The following VWA8 variants were observed in gnomAD, a reference collection of about 807,000 sequenced individuals.
VWA8 encodes von Willebrand factor A domain containing 8.
A neutral mutation model predicts 241.5 loss-of-function variants in VWA8; 221 were observed. The observed-to-expected ratio is 0.91, with a 90% confidence interval of 0.82 to 1.02. The LOEUF is 1.02. Among genes scored for constraint, VWA8 ranks in the 50% least tolerant of loss-of-function variants. The pLI, the probability that VWA8 is intolerant of heterozygous loss-of-function variation, is 0.00. For missense variants in VWA8, 2,322 were observed against 2,328.7 expected (o/e 1.00, Z 0.06); for synonymous variants, 852 against 827.1 (o/e 1.03, Z -0.52).
chr13:41,831,004 T>G (rs1179606809), intron 13 of VWA8, among the ~76,000 whole-genome samples: 1 of 152,188 alleles, frequency 6.6e-6, no homozygotes. Flanking sequence ...CTCTTCGGTC[T>G]AAAGTAACTC....
At chr13:41,886,577 C>T (rs1192625593) in intron 7 of VWA8, among the ~76,000 whole-genome samples, 2 of 152,180 alleles carry the variant, frequency 1.3e-5, no homozygotes, top group East Asian at 3.8e-4. Flanking sequence ...TTAACCAAAG[C>T]TATTCACATA....
intron 17 of VWA8, among the ~76,000 whole-genome samples, chr13:41,796,483 TTTA>T (rs1347290022): frequency 6.6e-6 from 1 of 151,990 alleles, no homozygotes; most frequent in Non-Finnish European, 1.5e-5. Flanking sequence ...AAATATTGAC[TTTA>T]TTTTCAGTTA....
intron 28 of VWA8, among the ~76,000 whole-genome samples, chr13:41,701,132 G>C (rs927341452): frequency 6.6e-6 from 1 of 152,082 alleles, no homozygotes; most frequent in Admixed American, 6.6e-5. Context: ...ACATGCCTGG[G>C]TGTGTTTAAC....
At chr13:41,803,586 A>T (rs1870055660) in intron 17 of VWA8, among the ~76,000 whole-genome samples, 1 of 152,198 alleles carries the variant, frequency 6.6e-6, no homozygotes, top group Non-Finnish European at 1.5e-5. Context: ...CATGAGACTT[A>T]TTCACTATTA....
intron 39 of VWA8, 118 bp downstream of exon 39, chr13:41,611,458 G>A (rs994310346): frequency 1.5e-6 from 2 of 1,359,350 alleles, no homozygotes; most frequent in Non-Finnish European, 2.0e-6. Context: ...TCAGTTTGAG[G>A]TCCGAGTTGC....
intron 21 of VWA8, among the ~76,000 whole-genome samples, chr13:41,745,617 T>C (rs2045599741): frequency 6.6e-6 from 1 of 152,188 alleles, no homozygotes; most frequent in African/African-American, 2.4e-5. Flanking sequence ...ATGCTTATCA[T>C]CACTGATCAT....
chr13:41,763,551 T>C (rs2137909845), intron 20 of VWA8, among the ~76,000 whole-genome samples: 1 of 152,238 alleles, frequency 6.6e-6, no homozygotes, highest in Admixed American at 6.5e-5. Context: ...AAAATAACAT[T>C]TGCACATCTG....
chr13:41,776,158 G>T (rs1277114468), intron 20 of VWA8, among the ~76,000 whole-genome samples: 1 of 152,122 alleles, frequency 6.6e-6, no homozygotes, highest in African/African-American at 2.4e-5. Flanking sequence ...GTATAGTCTT[G>T]GTCTATTCTC....
rs1869021242 is a variant in VWA8 at position 41,783,968 on chromosome 13, C to T, written c.2171-67G>A. On this transcript the variant is annotated intron_variant, in intron 18 of 44. Coordinates refer to ENST00000379310, the MANE Select transcript of VWA8 (RefSeq NM_015058.2). ...TCCTCAGAGATGCCAAGCCACCCAACACAGAATGCAATACAGCTTCAGTAA... is the reference window on the plus strand; with the variant it reads ...TCCTCAGAGATGCCAAGCCACCCAATACAGAATGCAATACAGCTTCAGTAA... The T allele has an allele frequency of 2.6e-6, 3 of 1,139,214 alleles. No individual in the cohort carries two copies. In the South Asian group the frequency reaches 3.9e-5, roughly 15 times the overall value. 70.6% of individuals were successfully genotyped at this position (1,139,214 alleles called of 1,614,324 possible). A position where few individuals can be genotyped will look rare whatever the true frequency, so the allele number is the denominator to read the frequency against.
chr13:41,858,829 G>GA (rs200140250), intron 12 of VWA8, among the ~76,000 whole-genome samples: 12 of 150,442 alleles, frequency 8.0e-5, no homozygotes, highest in Non-Finnish European at 1.5e-4. Context: ...ATTCTTTGTG[G>GA]AAAAAAAAAT....
intron 37 of VWA8, among the ~76,000 whole-genome samples, chr13:41,629,287 A>G (rs73464977): frequency 3.5e-4 from 54 of 152,280 alleles, no homozygotes; most frequent in African/African-American, 1.3e-3. Context: ...AGTGACATAC[A>G]ACTTACCCAT....
chr13:41,702,966 T>G (rs1231069143), intron 27 of VWA8, among the ~76,000 whole-genome samples: 1 of 152,142 alleles, frequency 6.6e-6, no homozygotes, highest in East Asian at 1.9e-4. Context: ...TACTTTCACA[T>G]GAAGACTGAA....
chr13:41,575,251 G>C (rs548135356), intron 43 of VWA8, among the ~76,000 whole-genome samples: 14 of 152,150 alleles, frequency 9.2e-5, no homozygotes, highest in Non-Finnish European at 1.2e-4. Context: ...TGGACTTTGG[G>C]GACTAAGGTG....
intron 37 of VWA8, 59 bp downstream of exon 37, chr13:41,670,873 TGACTGTGGCATCTG>T: frequency 6.4e-7 from 1 of 1,559,154 alleles, no homozygotes; most frequent in Non-Finnish European, 8.8e-7. Context: ...GAAATTTTCA[TGACTGTGGCATCTG>T]GAACTAAATT....
In VWA8 at chr13:41,567,983, A is replaced by G. The variant is rs1478185172; in HGVS notation, c.*214T>C. 1.9e-6 allele frequency: 1 copy of G among 534,342 alleles called. No homozygotes were observed. Among genetic ancestry groups the G allele is most frequent in the Non-Finnish European group, 3.3e-6 (1 of 302,470 alleles). The allele number at this position is 534,342 out of a possible 1,614,324, so 33.1% of individuals were successfully genotyped here. The stretch of plus-strand genomic sequence containing the variant: ...CAACTAGCTTGCCCTAATCACTTCT[A>G]AACTCATCAGTGGAGTATCTTTCCA... On this transcript the variant is annotated 3_prime_UTR_variant, in exon 45 of 45. Coordinates refer to ENST00000379310, the MANE Select transcript of VWA8 (RefSeq NM_015058.2).
chr13:41,663,037 C>T (rs1439110944), intron 37 of VWA8, among the ~76,000 whole-genome samples: 2 of 152,118 alleles, frequency 1.3e-5, no homozygotes, highest in African/African-American at 4.8e-5. Context: ...TGGTCTTCTT[C>T]CTCAATCCAT....
At chr13:41,805,408 C>G (rs553235002) in intron 17 of VWA8, among the ~76,000 whole-genome samples, 2 of 152,184 alleles carry the variant, frequency 1.3e-5, no homozygotes, top group Admixed American at 6.5e-5. Flanking sequence ...CTAGAGCACC[C>G]AAATATATAA....
chr13:41,608,364 G>A, intron 39 of VWA8, among the ~76,000 whole-genome samples: 1 of 152,102 alleles, frequency 6.6e-6, no homozygotes, highest in East Asian at 1.9e-4. Flanking sequence ...GATCAAATGA[G>A]GTACCCATTG....
chr13:41,653,745 G>C (rs1368973223), intron 37 of VWA8, among the ~76,000 whole-genome samples: 2 of 152,092 alleles, frequency 1.3e-5, no homozygotes, highest in Non-Finnish European at 2.9e-5. Flanking sequence ...AGAGAACCCA[G>C]AAACAAAGTT....
Sources: gnomAD v4.1 joint callset for allele counts (sites outside exome capture counted in the v4.1 genomes callset) on GRCh38, gnomAD v4.1.1 for gene constraint, MANE v1.5 for transcripts, NCBI Gene and HGNC (gene_info 2026-07-23, HGNC 2026-07-21) for gene names.